The following TLN2 variants were observed in gnomAD, a reference collection of about 807,000 sequenced individuals.
TLN2 encodes talin-2.
TLN2 carries 118 observed loss-of-function variants against 294.7 expected under a neutral mutation model. The ratio of observed to expected loss-of-function variants is 0.40; its 90% CI spans 0.34 to 0.47. The LOEUF is 0.47. Among genes scored for constraint, TLN2 ranks in the 20% least tolerant of loss-of-function variants. TLN2 has a pLI of 0.84. For missense variants in TLN2, 3,083 were observed against 3,282.2 expected, an observed-to-expected ratio of 0.94 and a Z score of 1.48; for synonymous variants, 1,431 against 1,304.5, an observed-to-expected ratio of 1.10 and a Z score of -2.09.
intron 1 of TLN2, among the ~76,000 whole-genome samples, chr15:62,454,735 T>C (rs1170956697): frequency 6.6e-6 from 1 of 152,128 alleles, no homozygotes; most frequent in Admixed American, 6.6e-5. Context: ...AGCAGATAGA[T>C]CCAGCTCCTA....
intron 1 of TLN2, among the ~76,000 whole-genome samples, chr15:62,421,975 A>G (rs1290298842): frequency 6.6e-6 from 1 of 152,044 alleles, no homozygotes; most frequent in African/African-American, 2.4e-5. Flanking sequence ...AGACTTGCCT[A>G]TCGGGCCAGG....
chr15:62,564,783 T>G (rs2043244506), intron 1 of TLN2, among the ~76,000 whole-genome samples: 1 of 151,526 alleles, frequency 6.6e-6, no homozygotes, highest in Non-Finnish European at 1.5e-5. Context: ...GTCGGGCGCC[T>G]GTACTTCCAG....
At chr15:62,653,107 A>C (rs1041208229) in intron 6 of TLN2, 55 bp from the exon 7 acceptor site, 125 of 1,417,460 alleles carry the variant, frequency 8.8e-5, no homozygotes, top group Admixed American at 1.7e-4. Flanking sequence ...TTAGGCTGGA[A>C]GAGGTTGACA....
At chr15:62,649,645 C>T (rs1417893603) in intron 4 of TLN2, among the ~76,000 whole-genome samples, 1 of 152,094 alleles carries the variant, frequency 6.6e-6, no homozygotes, top group Non-Finnish European at 1.5e-5. Context: ...TCACTGGAGA[C>T]GTAAAGGCTT....
intron 1 of TLN2, among the ~76,000 whole-genome samples, chr15:62,430,219 A>C (rs1275280290): frequency 1.3e-5 from 2 of 152,240 alleles, no homozygotes; most frequent in Non-Finnish European, 2.9e-5. Flanking sequence ...ATTACAGTTC[A>C]ATTGACTTTG....
intron 22 of TLN2, among the ~76,000 whole-genome samples, chr15:62,715,027 A>T (rs1331545576): frequency 6.6e-6 from 1 of 152,248 alleles, no homozygotes; most frequent in African/African-American, 2.4e-5. Flanking sequence ...AACTTGCAAA[A>T]GAATCCAAAA....
At chr15:62,591,523 C>T (rs923375569) in intron 2 of TLN2, among the ~76,000 whole-genome samples, 7 of 152,128 alleles carry the variant, frequency 4.6e-5, no homozygotes, top group South Asian at 2.1e-4. Flanking sequence ...CCCATTTGTG[C>T]GAACATCCAG....
chr15:62,461,086 C>G (rs2036775933), intron 1 of TLN2, among the ~76,000 whole-genome samples: 1 of 152,094 alleles, frequency 6.6e-6, no homozygotes, highest in Admixed American at 6.5e-5. Flanking sequence ...GTAGCAGGGA[C>G]TACAGGCACA....
chr15:62,728,616 A>G (rs1453592358), intron 28 of TLN2, among the ~76,000 whole-genome samples: 2 of 152,176 alleles, frequency 1.3e-5, no homozygotes, highest in African/African-American at 2.4e-5. Context: ...GTGTAATAGT[A>G]TCACATTATG....
intron 2 of TLN2, among the ~76,000 whole-genome samples, chr15:62,604,824 ACGCAAG>A (rs755237579): frequency 6.6e-6 from 1 of 151,918 alleles, no homozygotes; most frequent in Non-Finnish European, 1.5e-5. Flanking sequence ...TTATACACAG[ACGCAAG>A]CCTACCATCC....
At chr15:62,610,222 T>C (rs546084672) in intron 2 of TLN2, among the ~76,000 whole-genome samples, 1 of 152,360 alleles carries the variant, frequency 6.6e-6, no homozygotes, top group African/African-American at 2.4e-5. Context: ...ATTCCATTGA[T>C]TGTTGTTATT....
chr15:62,699,772 G>A lies in TLN2; in HGVS notation c.1587+905G>A, dbSNP rs548606314. On this transcript the variant is annotated intron_variant, in intron 16 of 58. Transcript: ENST00000636159. ...GCGCTGTCATTCTCAACCCTGCTTT[G>A]TACGTTAGAATCATCCTAGGAACTT... Among the ~76,000 whole-genome samples, 8 of 152,334 alleles carry A rather than the reference G, an allele frequency of 5.3e-5. No individual in the cohort carries two copies. The South Asian group carries it at 1.0e-3, about 20-fold the overall frequency.
At chr15:62,721,101 C>A (rs550199853) in intron 25 of TLN2, among the ~76,000 whole-genome samples, 50 of 152,230 alleles carry the variant, frequency 3.3e-4, no homozygotes, top group African/African-American at 1.2e-3. Context: ...CTTGTTTTCC[C>A]TTTTTCTTTT....
intron 53 of TLN2, among the ~76,000 whole-genome samples, chr15:62,819,863 C>T (rs77534743): frequency 2.0e-3 from 312 of 152,344 alleles, no homozygotes; most frequent in African/African-American, 5.9e-3. Context: ...TGGTATCCTC[C>T]ACCTAGAACC....
chr15:62,480,231 T>G (rs2038002650), intron 1 of TLN2, among the ~76,000 whole-genome samples: 1 of 152,204 alleles, frequency 6.6e-6, no homozygotes, highest in African/African-American at 2.4e-5. Flanking sequence ...GTTGTTATTT[T>G]GAGACAGAGT....
intron 31 of TLN2, 190 bp from the exon 32 acceptor site, chr15:62,740,440 G>A: frequency 1.5e-6 from 1 of 661,678 alleles, no homozygotes; most frequent in South Asian, 2.1e-5. Context: ...ATCTTGATCT[G>A]AGCATCTGTT....
At chr15:62,592,900 A>G (rs940882873) in intron 2 of TLN2, among the ~76,000 whole-genome samples, 1 of 152,260 alleles carries the variant, frequency 6.6e-6, no homozygotes, top group African/African-American at 2.4e-5. Context: ...TTGGCATTTT[A>G]TGTAATGACT....
intron 37 of TLN2, among the ~76,000 whole-genome samples, chr15:62,759,543 A>G (rs909413666): frequency 1.3e-5 from 2 of 152,330 alleles, no homozygotes; most frequent in African/African-American, 2.4e-5. Flanking sequence ...TCATCTTTTT[A>G]GTCTGAAGAA....
At chr15:62,711,109 C>T (rs2059404779) in intron 21 of TLN2, among the ~76,000 whole-genome samples, 1 of 152,142 alleles carries the variant, frequency 6.6e-6, no homozygotes, top group Admixed American at 6.5e-5. Context: ...TAAAAGCTTT[C>T]TTCTTCCCCC....
Sources: gnomAD v4.1 joint callset for allele counts (sites outside exome capture counted in the v4.1 genomes callset) on GRCh38, gnomAD v4.1.1 for gene constraint, MANE v1.5 for transcripts, NCBI Gene and HGNC (gene_info 2026-07-23, HGNC 2026-07-21) for gene names.